Variants in IRAG1 observed in about 807,000 individuals in gnomAD.
IRAG1 encodes the protein IP3R-associated cGMP kinase substrate.
A neutral mutation model predicts 106.2 loss-of-function variants in IRAG1; 62 were observed. The ratio of observed to expected loss-of-function variants is 0.58; its 90% CI spans 0.48 to 0.72. IRAG1 has a LOEUF of 0.72. IRAG1 is among the 30% of genes least tolerant of loss of function. The probability of loss-of-function intolerance (pLI) is 0.00; values close to 1 mark genes in which losing one functional copy is unlikely to be tolerated. For missense variants in IRAG1, 1,064 were observed against 1,140.7 expected (o/e 0.93, Z 0.97); for synonymous variants, 462 against 443.9 (o/e 1.04, Z -0.51).
intron 8 of IRAG1, among the ~76,000 whole-genome samples, chr11:10,626,934 C>T (rs117836546): frequency 0.032 from 4,901 of 152,272 alleles, 122 homozygotes; most frequent in South Asian, 0.057. Context: ...GGTTTGTGAA[C>T]CCTCTGAAAT....
intron 10 of IRAG1, among the ~76,000 whole-genome samples, chr11:10,610,961 T>A (rs1220802901): frequency 6.6e-6 from 1 of 152,184 alleles, no homozygotes; most frequent in African/African-American, 2.4e-5. Context: ...TTTTCCAGGA[T>A]CCTAGGCTAG....
At chr11:10,668,519 C>T (rs1229166860) in intron 1 of IRAG1, among the ~76,000 whole-genome samples, 3 of 152,166 alleles carry the variant, frequency 2.0e-5, no homozygotes, top group Non-Finnish European at 4.4e-5. Flanking sequence ...CACAACCATT[C>T]ATTTGTATAT....
intron 3 of IRAG1, among the ~76,000 whole-genome samples, chr11:10,632,466 A>G (rs1856781462): frequency 1.3e-5 from 2 of 152,198 alleles, no homozygotes; most frequent in South Asian, 2.1e-4. Context: ...GATTACAGGT[A>G]TGAGCCACTG....
intron 18 of IRAG1, among the ~76,000 whole-genome samples, chr11:10,585,073 C>T (rs1478906240): frequency 2.0e-5 from 3 of 152,150 alleles, no homozygotes; most frequent in Non-Finnish European, 4.4e-5. Flanking sequence ...GGTAAATTAA[C>T]ATTACATTTT....
In IRAG1 at chr11:10,622,224, T is replaced by C. The variant is rs185319224; in HGVS notation, c.1447+1554A>G. ...TAGAAGATTGCAGAGCTGGTGGGAC[T>C]AACCCACTGCTTTAAGGAACAGGTA... On this transcript the variant is annotated intron_variant, in intron 10 of 20. Transcript: ENST00000423302. Among the ~76,000 whole-genome samples the C allele has an allele frequency of 2.9e-3, 441 of 152,296 alleles. 1 individual carries two copies. The highest frequency in any genetic ancestry group is 3.6e-3 in the Non-Finnish European group (246 of 68,024).
At chr11:10,622,303 G>C (rs1026287833) in intron 10 of IRAG1, among the ~76,000 whole-genome samples, 42 of 152,120 alleles carry the variant, frequency 2.8e-4, no homozygotes, top group African/African-American at 9.9e-4. Flanking sequence ...ATGCCGCGGG[G>C]ACAGAGGCAC....
At position 10,633,971 on chromosome 11, in the gene IRAG1, T is replaced by A; in HGVS notation, c.326A>T (p.Asn109Ile). 1 of 1,606,378 alleles carries A rather than the reference T, an allele frequency of 6.2e-7. No individual in the cohort carries two copies. The highest frequency in any genetic ancestry group is 1.1e-5 in the South Asian group (1 of 90,280). Residue 109 changes from asparagine to isoleucine, a missense_variant, in exon 3 of 21, where the codon AAC (asparagine) becomes ATC (isoleucine). By Grantham distance (149) the Asn-to-Ile change is moderately radical. Coordinates refer to ENST00000423302, the MANE Select transcript of IRAG1 (RefSeq NM_130385.4). ...TGCAAGGATCAGGCACCTGTACCTGTTGGCCAGGTTTTTGTCGGTTTCTCC... is the reference window on the plus strand; with the variant it reads ...TGCAAGGATCAGGCACCTGTACCTGATGGCCAGGTTTTTGTCGGTTTCTCC... ...PEGETDKNLANRVHSPHKRLS... is the reference protein window; with the variant it reads ...PEGETDKNLAIRVHSPHKRLS...
At position 10,626,451 on chromosome 11, in the gene IRAG1, G is replaced by T; in HGVS notation, c.883C>A (p.Pro295Thr). 1.9e-6 allele frequency: 3 copies of T among 1,613,800 alleles called. No homozygotes were observed. Among genetic ancestry groups the T allele is most frequent in the Non-Finnish European group, 2.5e-6 (3 of 1,179,816 alleles). The part of the protein sequence containing the change: ...IAIEQKENFD[P>T]LQYPETTPKG... The stretch of plus-strand genomic sequence containing the variant: ...GGTGTGGTCTCGGGGTACTGGAGGG[G>T]ATCGAAGTTTTCCTTTTGTTCTATT... Residue 295 changes from proline (P) to threonine (T), a missense_variant, in exon 9 of 21, where the codon CCC becomes ACC. Physicochemically the swap from Pro to Thr is conservative, Grantham distance 38 (BLOSUM62 -1). Coordinates refer to ENST00000423302, the MANE Select transcript of IRAG1 (RefSeq NM_130385.4).
rs1310313270 is a variant in IRAG1, at chr11:10,575,944, G to GA, written c.*387dup. ...CTTCCTGATAACCAATTACAGAGAGGAAAAAAGAGAGTAAGTTTTTTACTG... is the reference window on the plus strand; with the variant it reads ...CTTCCTGATAACCAATTACAGAGAGGAAAAAAAGAGAGTAAGTTTTTTACTG... On this transcript the variant is annotated 3_prime_UTR_variant, in exon 21 of 21. Coordinates refer to ENST00000423302, the MANE Select transcript of IRAG1 (RefSeq NM_130385.4). 5 of 214,526 alleles carry GA rather than the reference G, an allele frequency of 2.3e-5. No homozygotes were observed. Among genetic ancestry groups the GA allele is most frequent in the Non-Finnish European group, 4.8e-5 (5 of 103,702 alleles). 13.3% of individuals were successfully genotyped at this position (214,526 alleles called of 1,614,324 possible). A position where few individuals can be genotyped will look rare whatever the true frequency, so the allele number is the denominator to read the frequency against.
chr11:10,693,340 G>T, intron 1 of IRAG1, 196 bp downstream of exon 1: 2 of 1,107,932 alleles, frequency 1.8e-6, no homozygotes, highest in Non-Finnish European at 2.4e-6. Flanking sequence ...GGACTGGCAA[G>T]ATTCACTTCT....
At chr11:10,615,944 GTATATTAC>G (rs1855373194) in intron 10 of IRAG1, among the ~76,000 whole-genome samples, 1 of 146,228 alleles carries the variant, frequency 6.8e-6, no homozygotes, top group Non-Finnish European at 1.5e-5. Context: ...ATAAAAAAAA[GTATATTAC>G]TAAGTGAAAA....
intron 14 of IRAG1, among the ~76,000 whole-genome samples, chr11:10,602,746 A>C (rs1854138929): frequency 1.3e-5 from 2 of 152,198 alleles, no homozygotes; most frequent in African/African-American, 4.8e-5. Flanking sequence ...AGAAAAATAA[A>C]ATGGAGAGCT....
Position 10,626,293 on chromosome 11 carries a change from A to C in IRAG1, c.1041T>G (p.Ser347Arg), listed in dbSNP as rs772295701. 1 of 1,612,758 alleles carries C rather than the reference A, an allele frequency of 6.2e-7. No individual in the cohort carries two copies. Among genetic ancestry groups the C allele is most frequent in the South Asian group, 1.1e-5 (1 of 90,834 alleles). Residue 347 changes from serine (S) to arginine (R), a missense_variant, in exon 9 of 21, where the codon AGT becomes AGG. Ser to Arg is a moderately radical substitution (Grantham distance 110). Transcript: ENST00000423302. Reference protein sequence around the residue: ...TGWEGSPLPRSPTQDAAGVGP... With the variant: ...TGWEGSPLPRRPTQDAAGVGP... ...CCACTCCTGCCGCATCCTGGGTTGG[A>C]CTTCTCGGCAGAGGGCTGCCCTCCC...
chr11:10,586,895 G>C lies in IRAG1; in HGVS notation c.2240+4653C>G, dbSNP rs533497378. ...TTTAAGTGCCTGTCAAGTTGCATCG[G>C]TTTCACTATGACTTATCCAGTCCCT... is the stretch of plus-strand genomic sequence containing the variant. On this transcript the variant is annotated intron_variant, in intron 18 of 20. Coordinates refer to ENST00000423302, the MANE Select transcript of IRAG1 (RefSeq NM_130385.4). Among the ~76,000 whole-genome samples the C allele has an allele frequency of 2.6e-5, 4 of 152,332 alleles. No homozygotes were observed. The South Asian group carries it at 8.3e-4, about 32-fold the overall frequency.
At chr11:10,675,475 G>C (rs995933038) in intron 1 of IRAG1, among the ~76,000 whole-genome samples, 1 of 152,202 alleles carries the variant, frequency 6.6e-6, no homozygotes, top group African/African-American at 2.4e-5. Flanking sequence ...TTGCAGAAGT[G>C]GCCTGGGTGG....
At position 10,581,905 on chromosome 11, in the gene IRAG1, C is replaced by T. The variant is rs969794510; in HGVS notation, c.2322G>A (p.Glu774=). 3 of 1,613,942 alleles carry T rather than the reference C, an allele frequency of 1.9e-6. No homozygotes were observed. The highest frequency in any genetic ancestry group is 1.7e-6 in the Non-Finnish European group (2 of 1,179,836). Residue 774 remains glutamate (E), a synonymous_variant, in exon 19 of 21, where the codon GAG becomes GAA. Transcript: ENST00000423302. ...TLSCLEELSQ[E]TKARMEEEAY... ...CTTCTTCCTCCATCCTGGCCTTGGT[C>T]TCCTGACTAAGCTCCTCCAGGCAGC... is the stretch of plus-strand genomic sequence containing the variant.
intron 1 of IRAG1, among the ~76,000 whole-genome samples, chr11:10,664,924 G>A (rs1429963123): frequency 6.6e-6 from 1 of 152,206 alleles, no homozygotes; most frequent in Non-Finnish European, 1.5e-5. Context: ...CTCAGATCCT[G>A]ATCAAGCCAT....
chr11:10,628,841 A>G lies in IRAG1; in HGVS notation c.575-13T>C. 1 of 1,572,496 alleles carries G rather than the reference A, an allele frequency of 6.4e-7. No homozygotes were observed. The highest frequency in any genetic ancestry group is 8.6e-7 in the Non-Finnish European group (1 of 1,160,242). On this transcript the variant is annotated splice_polypyrimidine_tract_variant and intron_variant, in intron 5 of 20. Coordinates refer to ENST00000423302, the MANE Select transcript of IRAG1 (RefSeq NM_130385.4). The surrounding 1 kb of genome is among the most constrained non-coding windows in gnomAD (Gnocchi z 4.1). The stretch of plus-strand genomic sequence containing the variant: ...TTCGGGGAAACAGCTGTGAAGACAG[A>G]CACAAATTGGCTGGCATTCATGAAG...
rs769001036 is a variant in IRAG1, at chr11:10,627,966, C to T, written c.705+7G>A. ...GAAACAGCACAGCAGGTGGGGGGTCCTGTCACCTGTGGTGGTGCTCCAGGC... is the reference window on the plus strand; with the variant it reads ...GAAACAGCACAGCAGGTGGGGGGTCTTGTCACCTGTGGTGGTGCTCCAGGC... On this transcript the variant is annotated splice_region_variant and intron_variant, in intron 7 of 20. Transcript: ENST00000423302. 3 of 1,602,536 alleles carry T rather than the reference C, an allele frequency of 1.9e-6. No individual in the cohort carries two copies. Among genetic ancestry groups the T allele is most frequent in the Non-Finnish European group, 8.5e-7 (1 of 1,172,662 alleles).
Sources: allele counts gnomAD v4.1 joint callset (sites outside exome capture counted in the v4.1 genomes callset), GRCh38; gene constraint gnomAD v4.1.1; non-coding constraint Gnocchi (gnomAD v3.1); transcripts MANE v1.5; gene names NCBI Gene and HGNC (gene_info 2026-07-23, HGNC 2026-07-21).